Variants in ARL15 observed in about 807,000 individuals in gnomAD.
ARL15 encodes ARF like GTPase 15.
Under a neutral mutation model 25.2 loss-of-function variants are expected in ARL15, and 19 were observed. The ratio of observed to expected loss-of-function variants is 0.75; its 90% CI spans 0.53 to 1.10. ARL15 has a LOEUF of 1.10. Ranked by LOEUF, ARL15 falls within the 50% of genes least tolerant of loss-of-function variation. The pLI, the probability that ARL15 is intolerant of heterozygous loss-of-function variation, is 0.00. For missense variants in ARL15, 220 were observed against 246.0 expected (o/e 0.89, Z 0.71); for synonymous variants, 94 against 86.8 (o/e 1.08, Z -0.46).
Position 53,962,953 on chromosome 5 carries a change from C to T in ARL15, c.463-76240G>A, listed in dbSNP as rs372007591. On this transcript the variant is annotated intron_variant, in intron 4 of 4. Transcript: ENST00000504924. The stretch of plus-strand genomic sequence containing the variant: ...GACTTCAGAGAAAATACTTAACTCT[C>T]CAGGCTTTAAATGAGGTAATGAAAA... Among the ~76,000 whole-genome samples, 151 of 152,116 alleles carry T rather than the reference C, an allele frequency of 9.9e-4. 2 individuals are homozygous for T. The highest frequency in any genetic ancestry group is 3.4e-3 in the African/African-American group (142 of 41,506).
chr5:53,954,047 G>A (rs563428069), intron 4 of ARL15, among the ~76,000 whole-genome samples: 3 of 150,264 alleles, frequency 2.0e-5, no homozygotes, highest in South Asian at 2.1e-4. Context: ...AATATGTATC[G>A]GTACAAAGAC....
At chr5:54,124,657 T>C (rs538671084) in intron 3 of ARL15, among the ~76,000 whole-genome samples, 3 of 152,286 alleles carry the variant, frequency 2.0e-5, no homozygotes, top group East Asian at 1.9e-4. Context: ...ATAATAGATA[T>C]ATAAAAAACT....
At chr5:53,918,430 T>C (rs1199558736) in intron 4 of ARL15, among the ~76,000 whole-genome samples, 4 of 152,118 alleles carry the variant, frequency 2.6e-5, no homozygotes, top group Non-Finnish European at 5.9e-5. Flanking sequence ...TGGGCTTAAG[T>C]GATCCTCCAC....
chr5:54,296,245 T>A (rs1407366514), intron 1 of ARL15, among the ~76,000 whole-genome samples: 1 of 152,228 alleles, frequency 6.6e-6, no homozygotes, highest in Non-Finnish European at 1.5e-5. Context: ...GAGCAAAATC[T>A]TTTTGGTGAC....
intron 1 of ARL15, among the ~76,000 whole-genome samples, chr5:54,305,514 CATCCATGGGGGATAT>C (rs1051576457): frequency 1.4e-4 from 21 of 152,272 alleles, no homozygotes; most frequent in African/African-American, 4.8e-4. Context: ...AGTTTCCCCT[CATCCATGGGGGATAT>C]ATTCCAAGTC....
chr5:54,227,103 A>C (rs1756545705), intron 1 of ARL15, among the ~76,000 whole-genome samples: 1 of 152,194 alleles, frequency 6.6e-6, no homozygotes, highest in Admixed American at 6.5e-5. Flanking sequence ...ACCCAGCCTC[A>C]GGTATATCTT....
intron 4 of ARL15, among the ~76,000 whole-genome samples, chr5:53,948,864 TG>T (rs1325253164): frequency 7.2e-5 from 11 of 152,202 alleles, no homozygotes; most frequent in Non-Finnish European, 1.6e-4. Flanking sequence ...TAATGAGACA[TG>T]CTACTGAAAC....
chr5:54,034,512 T>TGGTC (rs985147071), intron 4 of ARL15, among the ~76,000 whole-genome samples: 37 of 152,286 alleles, frequency 2.4e-4, no homozygotes, highest in African/African-American at 8.9e-4. Context: ...AAAGTAAAGG[T>TGGTC]GGTCACCCTA....
At chr5:54,093,861 G>A (rs561475536) in intron 4 of ARL15, among the ~76,000 whole-genome samples, 1 of 152,150 alleles carries the variant, frequency 6.6e-6, no homozygotes. Flanking sequence ...AATGCATCCT[G>A]ATGAATATCA....
chr5:54,036,669 A>G (rs1254214571), intron 4 of ARL15, among the ~76,000 whole-genome samples: 1 of 152,226 alleles, frequency 6.6e-6, no homozygotes, highest in African/African-American at 2.4e-5. Context: ...GATGGATAAA[A>G]GGGATGGGAT....
intron 3 of ARL15, among the ~76,000 whole-genome samples, chr5:54,135,578 T>C (rs946138914): frequency 2.6e-5 from 4 of 152,188 alleles, no homozygotes; most frequent in Non-Finnish European, 5.9e-5. Context: ...AAGATTATTT[T>C]AACAAAGAAA....
intron 4 of ARL15, among the ~76,000 whole-genome samples, chr5:53,903,829 C>T (rs1420239230): frequency 6.6e-6 from 1 of 152,162 alleles, no homozygotes; most frequent in African/African-American, 2.4e-5. Context: ...AAGGAAGTAG[C>T]CACCTTTCAC....
intron 4 of ARL15, among the ~76,000 whole-genome samples, chr5:54,055,959 A>G (rs1340481544): frequency 6.6e-6 from 1 of 152,172 alleles, no homozygotes; most frequent in Admixed American, 6.6e-5. Flanking sequence ...CAGTTACCAG[A>G]ATTTGACCAA....
chr5:54,282,699 G>C (rs1309820316), intron 1 of ARL15, among the ~76,000 whole-genome samples: 1 of 152,050 alleles, frequency 6.6e-6, no homozygotes, highest in Non-Finnish European at 1.5e-5. Flanking sequence ...TTCTTTTTCA[G>C]TTCAATTCTT....
chr5:54,073,936 C>T (rs1751500355), intron 4 of ARL15, among the ~76,000 whole-genome samples: 1 of 152,146 alleles, frequency 6.6e-6, no homozygotes, highest in African/African-American at 2.4e-5. Flanking sequence ...GTGGGAATGC[C>T]AAGATATGTC....
At chr5:53,989,255 G>C (rs1748402658) in intron 4 of ARL15, among the ~76,000 whole-genome samples, 1 of 148,850 alleles carries the variant, frequency 6.7e-6, no homozygotes, top group Non-Finnish European at 1.5e-5. Flanking sequence ...AAATTATCTG[G>C]CATTTATTAA....
chr5:54,273,327 C>A (rs1488752525), intron 1 of ARL15, among the ~76,000 whole-genome samples: 1 of 152,180 alleles, frequency 6.6e-6, no homozygotes, highest in African/African-American at 2.4e-5. Context: ...GCACCCTGTG[C>A]TCCTGCTGAG....
At chr5:53,926,719 C>G (rs759344389) in intron 4 of ARL15, among the ~76,000 whole-genome samples, 2 of 152,132 alleles carry the variant, frequency 1.3e-5, no homozygotes, top group East Asian at 1.9e-4. Context: ...CCCAGCTTCA[C>G]GAGAATGATT....
chr5:54,289,084 C>T (rs1758255216), intron 1 of ARL15, among the ~76,000 whole-genome samples: 1 of 152,124 alleles, frequency 6.6e-6, no homozygotes, highest in Non-Finnish European at 1.5e-5. Context: ...CCACTGATGC[C>T]CCAGGGTGGC....
Sources: allele counts gnomAD v4.1 joint callset (sites outside exome capture counted in the v4.1 genomes callset), GRCh38; gene constraint gnomAD v4.1.1; transcripts MANE v1.5; gene names NCBI Gene and HGNC (gene_info 2026-07-23, HGNC 2026-07-21).